ANKS1B: variants seen among roughly 807,000 people sequenced by gnomAD.
The protein encoded by ANKS1B is ankyrin repeat and sterile alpha motif domain containing 1B.
A neutral mutation model predicts 148.3 loss-of-function variants in ANKS1B; 36 were observed. The ratio of observed to expected loss-of-function variants is 0.24; its 90% confidence interval spans 0.19 to 0.32. The LOEUF (loss-of-function observed/expected upper bound fraction) is 0.32. Among genes scored for constraint, ANKS1B ranks in the 10% least tolerant of loss-of-function variants. The pLI is 1.00. For synonymous variants in ANKS1B, 542 were observed against 560.8 expected (o/e 0.97, Z 0.47); for missense variants, 1,157 against 1,542.6 (o/e 0.75, Z 4.19).
rs555908108 is a variant in ANKS1B, at chr12:98,821,142, A to G, written c.3066+8032T>C. Among the ~76,000 whole-genome samples, 6 of 152,350 alleles carry G rather than the reference A, an allele frequency of 3.9e-5. No homozygotes were observed. The East Asian group carries it at 7.7e-4, about 20-fold the overall frequency. On this transcript the variant is annotated intron_variant, in intron 19 of 26. Coordinates refer to ENST00000683438, the MANE Select transcript of ANKS1B (RefSeq NM_001352186.2). ...TCTGCATAGCTAAGAAGCGTGTCCAAGGTTACAGAGGAAATAGACATCAGA... is the reference window on the plus strand; with the variant it reads ...TCTGCATAGCTAAGAAGCGTGTCCAGGGTTACAGAGGAAATAGACATCAGA...
chr12:98,766,851 G>A (rs922224848), intron 25 of ANKS1B, among the ~76,000 whole-genome samples: 5 of 151,880 alleles, frequency 3.3e-5, no homozygotes, highest in Admixed American at 3.3e-4. Flanking sequence ...GTCTTGTTCT[G>A]TTGCCTAGGC....
At chr12:99,159,967 C>T (rs761902807) in intron 14 of ANKS1B, among the ~76,000 whole-genome samples, 15 of 152,060 alleles carry the variant, frequency 9.9e-5, no homozygotes, top group East Asian at 1.9e-4. Flanking sequence ...TGCACTTCTC[C>T]GATGATCAGT....
At chr12:99,560,758 T>TGC (rs1308166362) in intron 9 of ANKS1B, among the ~76,000 whole-genome samples, 4 of 152,128 alleles carry the variant, frequency 2.6e-5, no homozygotes, top group Non-Finnish European at 5.9e-5. Flanking sequence ...TGGAGGGTCT[T>TGC]GCCTCAGTAT....
At chr12:99,108,914 G>C (rs1317529198) in intron 15 of ANKS1B, among the ~76,000 whole-genome samples, 1 of 152,136 alleles carries the variant, frequency 6.6e-6, no homozygotes, top group African/African-American at 2.4e-5. Flanking sequence ...GAGAAAGGGA[G>C]GTGAGATACA....
chr12:99,933,500 G>A (rs1193943347), intron 1 of ANKS1B, among the ~76,000 whole-genome samples: 1 of 151,762 alleles, frequency 6.6e-6, no homozygotes, highest in Admixed American at 6.6e-5. Context: ...TTTATTCCTG[G>A]GTATTTTTTT....
At chr12:99,441,324 C>G (rs563038464) in intron 11 of ANKS1B, among the ~76,000 whole-genome samples, 1 of 151,950 alleles carries the variant, frequency 6.6e-6, no homozygotes, top group South Asian at 2.1e-4. Context: ...GTCTCCTGTT[C>G]TATCCATCCA....
chr12:98,953,946 A>G (rs2153090277), intron 17 of ANKS1B, among the ~76,000 whole-genome samples: 1 of 152,174 alleles, frequency 6.6e-6, no homozygotes, highest in Non-Finnish European at 1.5e-5. Flanking sequence ...TTTTGATATG[A>G]CCATTCCTAA....
At chr12:99,933,409 C>T (rs1209939213) in intron 1 of ANKS1B, among the ~76,000 whole-genome samples, 22 of 152,002 alleles carry the variant, frequency 1.4e-4, no homozygotes, top group Admixed American at 1.4e-3. Context: ...AATATTTTTC[C>T]ATTTTTCCAT....
At chr12:98,896,406 T>C (rs1159178108) in intron 17 of ANKS1B, among the ~76,000 whole-genome samples, 1 of 152,214 alleles carries the variant, frequency 6.6e-6, no homozygotes. Flanking sequence ...TACAACTCTA[T>C]GAAGGTTTCA....
At chr12:99,823,401 G>T (rs111785275) in intron 2 of ANKS1B, among the ~76,000 whole-genome samples, 7,483 of 152,212 alleles carry the variant, frequency 0.049, 529 homozygotes, top group African/African-American at 0.16. Context: ...TGCCTCCAGG[G>T]TTCAAGCGAT....
chr12:99,868,481 G>A (rs2091045979), intron 1 of ANKS1B, among the ~76,000 whole-genome samples: 1 of 152,184 alleles, frequency 6.6e-6, no homozygotes, highest in Admixed American at 6.5e-5. Context: ...ATCCTAGGCA[G>A]TGCAATAAGA....
At chr12:98,881,099 A>G (rs2099706781) in intron 17 of ANKS1B, among the ~76,000 whole-genome samples, 1 of 152,242 alleles carries the variant, frequency 6.6e-6, no homozygotes, top group Non-Finnish European at 1.5e-5. Flanking sequence ...TATGGAAAAT[A>G]GTATGGAAAG....
At chr12:99,898,967 C>G (rs1168623174) in intron 1 of ANKS1B, among the ~76,000 whole-genome samples, 1 of 152,164 alleles carries the variant, frequency 6.6e-6, no homozygotes, top group Non-Finnish European at 1.5e-5. Context: ...GTCTAGTCCT[C>G]TCATTTTATA....
At chr12:99,502,366 C>G (rs541707380) in intron 10 of ANKS1B, among the ~76,000 whole-genome samples, 1 of 152,224 alleles carries the variant, frequency 6.6e-6, no homozygotes, top group East Asian at 1.9e-4. Context: ...GGGTCACTTT[C>G]TATTATTTGG....
chr12:99,526,433 A>G (rs1596361391), intron 9 of ANKS1B, among the ~76,000 whole-genome samples: 1 of 152,296 alleles, frequency 6.6e-6, no homozygotes, highest in East Asian at 1.9e-4. Context: ...TTATTACTCT[A>G]TCTAAAAAAT....
chr12:98,915,689 T>C (rs1480318795), intron 17 of ANKS1B, among the ~76,000 whole-genome samples: 1 of 152,050 alleles, frequency 6.6e-6, no homozygotes, highest in Non-Finnish European at 1.5e-5. Context: ...CCAACCTGGG[T>C]GTGTTACTTT....
chr12:99,361,364 AAAC>A (rs1201273059), intron 12 of ANKS1B, among the ~76,000 whole-genome samples: 12 of 152,144 alleles, frequency 7.9e-5, no homozygotes, highest in African/African-American at 2.7e-4. Flanking sequence ...AAACTGATAA[AAAC>A]AAACTATTTT....
At chr12:98,886,781 T>C (rs2099741030) in intron 17 of ANKS1B, among the ~76,000 whole-genome samples, 1 of 152,166 alleles carries the variant, frequency 6.6e-6, no homozygotes. Context: ...AACAATGAAG[T>C]AATAGCTGCA....
chr12:99,688,488 A>T (rs1271328969), intron 8 of ANKS1B, among the ~76,000 whole-genome samples: 6 of 152,250 alleles, frequency 3.9e-5, no homozygotes, highest in African/African-American at 1.4e-4. Flanking sequence ...GGATATTCCC[A>T]AAATAACAAA....
Sources: allele counts gnomAD v4.1 joint callset (sites outside exome capture counted in the v4.1 genomes callset), GRCh38; gene constraint gnomAD v4.1.1; transcripts MANE v1.5; gene names NCBI Gene and HGNC (gene_info 2026-07-23, HGNC 2026-07-21).